Variants in SESN1 observed in about 807,000 individuals in gnomAD.
SESN1 encodes sestrin-1.
In SESN1, 30 loss-of-function variants were observed where a neutral mutation model predicts 59.3. The ratio of observed to expected loss-of-function variants is 0.51; its 90% CI spans 0.38 to 0.69. SESN1 has a LOEUF of 0.69. Among genes scored for constraint, SESN1 ranks in the 30% least tolerant of loss-of-function variants. The pLI is 0.00. For synonymous variants in SESN1, 197 were observed against 219.9 expected (o/e 0.90, Z 0.92); for missense variants, 566 against 673.0 (o/e 0.84, Z 1.76).
intron 1 of SESN1, among the ~76,000 whole-genome samples, chr6:109,065,960 G>C (rs547290663): frequency 1.3e-5 from 2 of 152,060 alleles, no homozygotes; most frequent in South Asian, 4.2e-4. Flanking sequence ...CCTAAACTAA[G>C]AATAAGATCA....
At chr6:108,998,801 G>T in intron 4 of SESN1, 46 bp from the exon 5 acceptor site, 1 of 1,561,218 alleles carries the variant, frequency 6.4e-7, no homozygotes, top group South Asian at 1.2e-5. Context: ...CTGGGGTGTG[G>T]TAAAAGTATA....
intron 1 of SESN1, among the ~76,000 whole-genome samples, chr6:109,029,907 T>G (rs921057696): frequency 1.3e-5 from 2 of 152,204 alleles, no homozygotes; most frequent in African/African-American, 4.8e-5. Flanking sequence ...CGTTATATTT[T>G]GCTGAGCTTC....
chr6:108,998,158 A>C (rs1583263078), intron 5 of SESN1, among the ~76,000 whole-genome samples: 1 of 152,328 alleles, frequency 6.6e-6, no homozygotes, highest in East Asian at 1.9e-4. Context: ...AAAAGTCTCC[A>C]CCACCAGGCC....
chr6:109,049,321 A>G (rs1322464165), intron 1 of SESN1, among the ~76,000 whole-genome samples: 1 of 152,182 alleles, frequency 6.6e-6, no homozygotes, highest in Non-Finnish European at 1.5e-5. Context: ...GAAAGCCAAA[A>G]AAAAAAAGTT....
chr6:109,088,846 T>G (rs1014010697), intron 1 of SESN1, among the ~76,000 whole-genome samples: 26 of 152,172 alleles, frequency 1.7e-4, no homozygotes, highest in African/African-American at 6.3e-4. Flanking sequence ...CTTTTTAAAG[T>G]TTCTTTAAAA....
Position 108,985,821 on chromosome 6 carries a change from A to C in SESN1, c.*1723T>G, listed in dbSNP as rs1425416212. Among the ~76,000 whole-genome samples the C allele has an allele frequency of 6.6e-6, 1 of 152,192 alleles. No homozygotes were observed. Among genetic ancestry groups the C allele is most frequent in the Non-Finnish European group, 1.5e-5 (1 of 68,024 alleles). On this transcript the variant is annotated 3_prime_UTR_variant, in exon 10 of 10. Transcript: ENST00000436639. Reference sequence around the variant, plus strand: ...CTCAGCAGCAGGCAGAAGAGGACAAAGGCATGATGCATATTCAATGAGTAA... The same window carrying C: ...CTCAGCAGCAGGCAGAAGAGGACAACGGCATGATGCATATTCAATGAGTAA...
chr6:109,012,616 A>G (rs1249289378), intron 1 of SESN1, among the ~76,000 whole-genome samples: 1 of 152,196 alleles, frequency 6.6e-6, no homozygotes, highest in Non-Finnish European at 1.5e-5. Context: ...CACCTGAGCT[A>G]CAGCTTAGAG....
At chr6:109,074,107 A>G (rs2114468960) in intron 1 of SESN1, among the ~76,000 whole-genome samples, 1 of 152,314 alleles carries the variant, frequency 6.6e-6, no homozygotes, top group Non-Finnish European at 1.5e-5. Flanking sequence ...ACAATTGCCT[A>G]TTCATTACAG....
intron 1 of SESN1, among the ~76,000 whole-genome samples, chr6:109,064,561 AAGAGAGGAGGGGAGAGGAGAGGAGAGG>A (rs1780784813): frequency 8.1e-6 from 1 of 123,050 alleles, no homozygotes; most frequent in African/African-American, 3.1e-5. Flanking sequence ...GAAAGAAGAG[AAGAGAGGAGGGGAGAGGAGAGGAGAGG>A]AGAGGGGAGG....
At chr6:109,062,875 A>G (rs1178546152) in intron 1 of SESN1, among the ~76,000 whole-genome samples, 1 of 152,202 alleles carries the variant, frequency 6.6e-6, no homozygotes, top group Non-Finnish European at 1.5e-5. Context: ...GATTATGTGA[A>G]TGTGGTCTCT....
chr6:108,998,375 C>A, intron 5 of SESN1, 138 bp downstream of exon 5: 1 of 928,690 alleles, frequency 1.1e-6, no homozygotes, highest in Non-Finnish European at 1.6e-6. Flanking sequence ...TAAAACCCTA[C>A]TGAATGAATA....
intron 1 of SESN1, among the ~76,000 whole-genome samples, chr6:109,063,807 T>C (rs766586379): frequency 3.5e-4 from 53 of 152,098 alleles, no homozygotes; most frequent in Non-Finnish European, 6.9e-4. Flanking sequence ...TCATTACATA[T>C]TGTGAAGTTA....
At chr6:109,022,072 T>A (rs1310855077) in intron 1 of SESN1, among the ~76,000 whole-genome samples, 1 of 152,002 alleles carries the variant, frequency 6.6e-6, no homozygotes, top group Non-Finnish European at 1.5e-5. Context: ...CTTCCCAGTA[T>A]ATATTTTTTG....
chr6:109,029,347 T>C (rs17070136), intron 1 of SESN1, among the ~76,000 whole-genome samples: 14,032 of 152,260 alleles, frequency 0.092, 868 homozygotes, highest in Middle Eastern at 0.19. Flanking sequence ...TAAATGCACT[T>C]GATTTATGGC....
chr6:109,092,974 G>T (rs1781351172), intron 1 of SESN1, among the ~76,000 whole-genome samples: 1 of 151,994 alleles, frequency 6.6e-6, no homozygotes, highest in Non-Finnish European at 1.5e-5. Flanking sequence ...CAGGACTTTG[G>T]ACAACACACG....
chr6:109,084,999 A>G (rs1781188942), intron 1 of SESN1, among the ~76,000 whole-genome samples: 1 of 152,126 alleles, frequency 6.6e-6, no homozygotes, highest in African/African-American at 2.4e-5. Context: ...AGAAACTCTC[A>G]AAGTATCTCC....
intron 1 of SESN1, among the ~76,000 whole-genome samples, chr6:109,048,758 C>T (rs1447663360): frequency 1.3e-5 from 2 of 152,180 alleles, no homozygotes; most frequent in Non-Finnish European, 2.9e-5. Flanking sequence ...ATCTCTTCCT[C>T]ATCCCTGCCT....
intron 1 of SESN1, among the ~76,000 whole-genome samples, chr6:109,021,344 T>C (rs574993136): frequency 6.6e-6 from 1 of 152,190 alleles, no homozygotes; most frequent in African/African-American, 2.4e-5. Flanking sequence ...GTAAAATAAG[T>C]GTATAGATGT....
At position 108,990,774 on chromosome 6, in the gene SESN1, T is replaced by C; in HGVS notation, c.1295A>G (p.Gln432Arg). The C allele has an allele frequency of 6.2e-7, 1 of 1,614,114 alleles. No individual in the cohort carries two copies. Among genetic ancestry groups the C allele is most frequent in the Non-Finnish European group, 8.5e-7 (1 of 1,180,002 alleles). Residue 432 changes from glutamine to arginine, a missense_variant, in exon 8 of 10, where the codon CAG (glutamine) becomes CGG (arginine). By Grantham distance (43) the Gln-to-Arg change is conservative. Transcript: ENST00000436639. ...AATGTGAAATTTTTCATCAATCAACTGTCCCACATCTGGATAAAGGCGATT... is the reference window on the plus strand; with the variant it reads ...AATGTGAAATTTTTCATCAATCAACCGTCCCACATCTGGATAAAGGCGATT... ...LVNRLYPDVG[Q>R]LIDEKFHIAY...
Sources: gnomAD v4.1 joint callset for allele counts (sites outside exome capture counted in the v4.1 genomes callset) on GRCh38, gnomAD v4.1.1 for gene constraint, MANE v1.5 for transcripts, NCBI Gene and HGNC (gene_info 2026-07-23, HGNC 2026-07-21) for gene names.